NRIP2: variants seen among roughly 807,000 people sequenced by gnomAD.
NRIP2 encodes the protein nuclear receptor-interacting protein 2.
Under a neutral mutation model 34.1 loss-of-function variants are expected in NRIP2, and 27 were observed. The observed-to-expected ratio is 0.79, with a 90% CI of 0.58 to 1.09. NRIP2 has a LOEUF of 1.09. Among genes scored for constraint, NRIP2 ranks in the 50% least tolerant of loss-of-function variants. The pLI is 0.00. For missense variants in NRIP2, 385 were observed against 352.6 expected, an observed-to-expected ratio of 1.09 and a Z score of -0.74; for synonymous variants, 145 against 146.9, an observed-to-expected ratio of 0.99 and a Z score of 0.09.
chr12:2,832,586 T>C (rs1483510495), intron 1 of NRIP2, among the ~76,000 whole-genome samples: 1 of 151,894 alleles, frequency 6.6e-6, no homozygotes, highest in East Asian at 1.9e-4. Flanking sequence ...TCTGAGTTCT[T>C]CATGCTCCTC....
chr12:2,833,989 A>G (rs1362744308), intron 1 of NRIP2, among the ~76,000 whole-genome samples: 3 of 152,192 alleles, frequency 2.0e-5, no homozygotes, highest in African/African-American at 7.2e-5. Context: ...CTGAATCTGC[A>G]GTTTTCCGCC....
intron 2 of NRIP2, chr12:2,830,486 A>AG (rs1262556293): frequency 4.1e-6 from 2 of 488,402 alleles, no homozygotes; most frequent in African/African-American, 2.0e-5. Flanking sequence ...TGACCAAGGA[A>AG]GGGGGGCAGA....
At position 2,827,259 on chromosome 12, in the gene NRIP2, G is replaced by C. The variant is rs117603123; in HGVS notation, c.794C>G (p.Ala265Gly). 2 of 1,613,928 alleles carry C rather than the reference G, an allele frequency of 1.2e-6. No homozygotes were observed. The highest frequency in any genetic ancestry group is 1.7e-5 in the Admixed American group (1 of 60,000). ...CAGGAAGGGTAGCTCTGAGAACGGG[G>C]CTTTCAGCCGCAGCACTCCGTGCTC... ...DLEHGVLRLK[A>G]PFSELPFLPL... The change falls in exon 6 of 6, where the codon GCC becomes GGC. Residue 265 changes from alanine (A) to glycine (G), a missense_variant. Physicochemically the swap from Ala to Gly is moderately conservative, Grantham distance 60. Transcript: ENST00000337508. The surrounding 1 kb of genome is among the most constrained non-coding windows in gnomAD (Gnocchi z 4.0).
At position 2,834,653 on chromosome 12, in the gene NRIP2, A is replaced by C. The variant is rs375970571; in HGVS notation, c.331T>G (p.Ser111Ala). 2 of 1,596,796 alleles carry C rather than the reference A, an allele frequency of 1.3e-6. No individual in the cohort carries two copies. Among genetic ancestry groups the C allele is most frequent in the South Asian group, 1.1e-5 (1 of 89,124 alleles). The change falls in exon 1 of 6, where the codon TCC (serine) becomes GCC (alanine). Residue 111 changes from serine (S) to alanine (A), a missense_variant. Ser to Ala is a moderately conservative substitution (Grantham distance 99, BLOSUM62 1). Transcript: ENST00000337508. ...PLDSLKRLGT[S>A]KDLQPRSVIQ... is the part of the protein sequence containing the mutation. ...GGGTGATGCCTCACCAAGTCCTTGG[A>C]GGTGCCGAGCCTCTTGAGGCTGTCC...
intron 1 of NRIP2, among the ~76,000 whole-genome samples, chr12:2,833,600 TA>T (rs1207082044): frequency 6.6e-6 from 1 of 151,996 alleles, no homozygotes; most frequent in African/African-American, 2.4e-5. Context: ...CCTGGTTGAG[TA>T]CCTCTTCTCA....
At position 2,827,694 on chromosome 12, in the gene NRIP2, A is replaced by T. The variant is rs763437692; in HGVS notation, c.701-17T>A. 9.3e-6 allele frequency: 15 copies of T among 1,613,942 alleles called. No homozygotes were observed. In the South Asian group the frequency reaches 1.4e-4, roughly 15 times the overall value. ...TCTCAGCATCTATAGGAACAATTTG[A>T]AAACAGAAGAGGCTGAGGGTTCCCA... On this transcript the variant is annotated splice_polypyrimidine_tract_variant and intron_variant, in intron 4 of 5. Transcript: ENST00000337508. This position sits in a 1 kb window ranked among gnomAD's most constrained non-coding sequence, Gnocchi z 4.0.
intron 1 of NRIP2, among the ~76,000 whole-genome samples, chr12:2,833,959 T>C (rs1396535155): frequency 6.6e-5 from 10 of 152,206 alleles, no homozygotes; most frequent in African/African-American, 9.6e-5. Flanking sequence ...TTGTCAGCAT[T>C]GCCTCTCAGA....
chr12:2,831,461 G>A (rs1203142699), intron 1 of NRIP2, among the ~76,000 whole-genome samples: 1 of 152,036 alleles, frequency 6.6e-6, no homozygotes, highest in African/African-American at 2.4e-5. Flanking sequence ...GCATGTGCCT[G>A]TAGTCCCAGC....
At position 2,827,658 on chromosome 12, in the gene NRIP2, G is replaced by C. The variant is rs776939477; in HGVS notation, c.720C>G (p.Phe240Leu). The C allele has an allele frequency of 6.2e-7, 1 of 1,614,178 alleles. No homozygotes were observed. The highest frequency in any genetic ancestry group is 8.5e-7 in the Non-Finnish European group (1 of 1,180,040). ...AQVVDAESPE[F>L]CLGLQTLLSL... ...AAAGCAGAGTCTGCAGGCCCAGGCA[G>C]AATTCAGGACTCTCAGCATCTATAG... The change falls in exon 5 of 6, where the codon TTC becomes TTG. Residue 240 changes from phenylalanine to leucine, a missense_variant. By Grantham distance (22) the Phe-to-Leu change is conservative. Transcript: ENST00000337508. The surrounding 1 kb of genome is among the most constrained non-coding windows in gnomAD (Gnocchi z 4.0).
At chr12:2,828,569 G>A (rs762587223) in intron 2 of NRIP2, among the ~76,000 whole-genome samples, 155 bp from the exon 3 acceptor site, 1 of 152,218 alleles carries the variant, frequency 6.6e-6, no homozygotes, top group African/African-American at 2.4e-5. Context: ...GCCAGGCGCG[G>A]TAGCTCACGC....
chr12:2,829,864 G>A lies in NRIP2; in HGVS notation c.495+844C>T, dbSNP rs535064556. Among the ~76,000 whole-genome samples the A allele has an allele frequency of 2.3e-4, 27 of 118,914 alleles. No homozygotes were observed. In the South Asian group the frequency reaches 8.8e-3, roughly 39 times the overall value. The allele number at this position is 118,914 out of a possible 152,430, so 78.0% of individuals were successfully genotyped here. On this transcript the variant is annotated intron_variant, in intron 2 of 5. Coordinates refer to ENST00000337508, the MANE Select transcript of NRIP2 (RefSeq NM_031474.3). ...AGGCCGAGGTGGATGGATCACCTGA[G>A]GTCAGGAGTTTGAGACCAGCCTGAC...
At position 2,827,160 on chromosome 12, in the gene NRIP2, T is replaced by A. The variant is rs2097971591; in HGVS notation, c.*47A>T. The A allele has an allele frequency of 6.2e-7, 1 of 1,613,066 alleles. No individual in the cohort carries two copies. The highest frequency in any genetic ancestry group is 8.5e-7 in the Non-Finnish European group (1 of 1,179,644). ...GAGCCCCCGTTCCCCACACGCCTCT[T>A]CTTCTAAGGCAAGGTCTTTCCCTCT... On this transcript the variant is annotated 3_prime_UTR_variant, in exon 6 of 6. Coordinates refer to ENST00000337508, the MANE Select transcript of NRIP2 (RefSeq NM_031474.3). This position sits in a 1 kb window ranked among gnomAD's most constrained non-coding sequence, Gnocchi z 4.0.
chr12:2,830,485 A>G, intron 2 of NRIP2: 1 of 490,082 alleles, frequency 2.0e-6, no homozygotes, highest in Non-Finnish European at 3.6e-6. Context: ...TTGACCAAGG[A>G]AGGGGGGCAG....
In NRIP2 at chr12:2,827,129, C is replaced by T; in HGVS notation, c.*78G>A. The T allele has an allele frequency of 6.2e-7, 1 of 1,600,548 alleles. No homozygotes were observed. Among genetic ancestry groups the T allele is most frequent in the Non-Finnish European group, 8.5e-7 (1 of 1,174,950 alleles). On this transcript the variant is annotated 3_prime_UTR_variant, in exon 6 of 6. Transcript: ENST00000337508. This position sits in a 1 kb window ranked among gnomAD's most constrained non-coding sequence, Gnocchi z 4.0. ...GACACCATAGTCCCCAGCTACCTGG[C>T]TTCAAGAGCCCCCGTTCCCCACACG...
In NRIP2 at chr12:2,827,278, C is replaced by T. The variant is rs1427270593; in HGVS notation, c.775G>A (p.Gly259Arg). ...AACGGGGCTTTCAGCCGCAGCACTC[C>T]GTGCTCCAGGTCGATGCAGCACTGC... ...SLKCCIDLEH[G>R]VLRLKAPFSE... The change falls in exon 6 of 6, where the codon GGA becomes AGA. Residue 259 changes from glycine (G) to arginine (R), a missense_variant. Coordinates refer to ENST00000337508, the MANE Select transcript of NRIP2 (RefSeq NM_031474.3). This position sits in a 1 kb window ranked among gnomAD's most constrained non-coding sequence, Gnocchi z 4.0. 35 of 1,613,868 alleles carry T rather than the reference C, an allele frequency of 2.2e-5. No homozygotes were observed. Among genetic ancestry groups the T allele is most frequent in the South Asian group, 9.9e-5 (9 of 91,086 alleles).
intron 2 of NRIP2, among the ~76,000 whole-genome samples, chr12:2,829,720 T>C (rs2153925940): frequency 6.6e-6 from 1 of 152,152 alleles, no homozygotes; most frequent in South Asian, 2.1e-4. Context: ...TGAGCTCTGA[T>C]CATGCCACTA....
Position 2,828,357 on chromosome 12 carries a change from A to C in NRIP2, c.553T>G (p.Ser185Ala). Reference protein sequence around the residue: ...VDTGTQYNRISAGCLSRLGLE... With the variant: ...VDTGTQYNRIAAGCLSRLGLE... Reference sequence around the variant, plus strand: ...CCCAGGCGGCTGAGACATCCAGCAGAGATCCGATTGTATTGGGTGCCTGTG... The same window carrying C: ...CCCAGGCGGCTGAGACATCCAGCAGCGATCCGATTGTATTGGGTGCCTGTG... Residue 185 changes from serine to alanine, a missense_variant, in exon 3 of 6, where the codon TCT becomes GCT. Ser to Ala is a moderately conservative substitution (Grantham distance 99). Transcript: ENST00000337508. 1 of 1,614,174 alleles carries C rather than the reference A, an allele frequency of 6.2e-7. No homozygotes were observed. The highest frequency in any genetic ancestry group is 1.1e-5 in the South Asian group (1 of 91,082).
chr12:2,830,824 C>T lies in NRIP2; in HGVS notation c.379G>A (p.Gly127Arg), dbSNP rs1185143719. 1.2e-6 allele frequency: 2 copies of T among 1,613,618 alleles called. No individual in the cohort carries two copies. Among genetic ancestry groups the T allele is most frequent in the Non-Finnish European group, 1.7e-6 (2 of 1,179,870 alleles). Residue 127 changes from glycine (G) to arginine (R), a missense_variant, in exon 2 of 6, where the codon GGA becomes AGA. Coordinates refer to ENST00000337508, the MANE Select transcript of NRIP2 (RefSeq NM_031474.3). ...TCCCCCTGAAGCCAATTCGGGTTTC[C>T]CTCCACCAGGCGTCTTTGGATCACA... is the stretch of plus-strand genomic sequence containing the variant. Reference protein sequence around the residue: ...RSVIQRRLVEGNPNWLQGEPP... With the variant: ...RSVIQRRLVERNPNWLQGEPP...
At chr12:2,828,465 G>A (rs780630659) in intron 2 of NRIP2, 51 bp from the exon 3 acceptor site, 62 of 1,373,106 alleles carry the variant, frequency 4.5e-5, no homozygotes, top group Non-Finnish European at 6.3e-5. Flanking sequence ...AGAATGGGTT[G>A]GAATTGGATC....
Sources: allele counts gnomAD v4.1 joint callset (sites outside exome capture counted in the v4.1 genomes callset), GRCh38; gene constraint gnomAD v4.1.1; non-coding constraint Gnocchi (gnomAD v3.1); transcripts MANE v1.5; gene names NCBI Gene and HGNC (gene_info 2026-07-23, HGNC 2026-07-21).